Variants in MDC1 observed in about 807,000 individuals in gnomAD.
MDC1 encodes the protein mediator of DNA damage checkpoint protein 1.
Under a neutral mutation model 142.5 loss-of-function variants are expected in MDC1, and 81 were observed. That is an observed-to-expected ratio of 0.57 (90% CI 0.47 to 0.68). The LOEUF (loss-of-function observed/expected upper bound fraction) is 0.68. Among genes scored for constraint, MDC1 ranks in the 30% least tolerant of loss-of-function variants. MDC1 has a pLI of 0.00. For synonymous variants in MDC1, 797 were observed against 968.4 expected, an observed-to-expected ratio of 0.82 and a Z score of 3.29; for missense variants, 2,119 against 2,547.9, an observed-to-expected ratio of 0.83 and a Z score of 3.62.
chr6:30,699,916 G>A lies in MDC1; in HGVS notation c.*549C>T, dbSNP rs1407920856. On this transcript the variant is annotated 3_prime_UTR_variant, in exon 15 of 15. Coordinates refer to ENST00000376406, the MANE Select transcript of MDC1 (RefSeq NM_014641.3). ...GTACAGAGACTTGCCCAAAGTCAAA[G>A]CTAAAGATGCTTCCAGAGGCCAGGA... The A allele has an allele frequency of 1.3e-5, 3 of 224,392 alleles. No homozygotes were observed. Among genetic ancestry groups the A allele is most frequent in the Non-Finnish European group, 2.7e-5 (3 of 112,594 alleles). The allele number at this position is 224,392 out of a possible 1,614,324, so 13.9% of individuals were successfully genotyped here. A position where few individuals can be genotyped will look rare whatever the true frequency, so the allele number is the denominator to read the frequency against.
At position 30,704,458 on chromosome 6, in the gene MDC1, G is replaced by A; in HGVS notation, c.4725C>T (p.Ala1575=). 1 of 1,612,488 alleles carries A rather than the reference G, an allele frequency of 6.2e-7. No homozygotes were observed. Among genetic ancestry groups the A allele is most frequent in the Non-Finnish European group, 8.5e-7 (1 of 1,179,498 alleles). Residue 1575 remains alanine (A), a synonymous_variant, in exon 10 of 15, where the codon GCC becomes GCT. Coordinates refer to ENST00000376406, the MANE Select transcript of MDC1 (RefSeq NM_014641.3). Reference sequence around the variant, plus strand: ...TGGAGGTGGAAGGCTGAAGCTCAGGGGCTATAGGGACAATTGATTCAGGGG... The same window carrying A: ...TGGAGGTGGAAGGCTGAAGCTCAGGAGCTATAGGGACAATTGATTCAGGGG... The part of the protein sequence containing the change: ...VKTPESIVPI[A]PELQPSTSRN...
chr6:30,709,353 A>C lies in MDC1; in HGVS notation c.2222-996T>G, dbSNP rs1774462984. Among the ~76,000 whole-genome samples, 1 of 152,248 alleles carries C rather than the reference A, an allele frequency of 6.6e-6. No individual in the cohort carries two copies. Among genetic ancestry groups the C allele is most frequent in the Non-Finnish European group, 1.5e-5 (1 of 68,040 alleles). ...CTTTTTAAAGGCTGAATAGTATTCC[A>C]CTGTGTATATATACCACATTTTCTT... On this transcript the variant is annotated intron_variant, in intron 7 of 14. Coordinates refer to ENST00000376406, the MANE Select transcript of MDC1 (RefSeq NM_014641.3). The surrounding 1 kb of genome is among the most constrained non-coding windows in gnomAD (Gnocchi z 4.2).
chr6:30,704,901 G>T lies in MDC1; in HGVS notation c.4282C>A (p.Pro1428Thr). 1 of 1,605,552 alleles carries T rather than the reference G, an allele frequency of 6.2e-7. No individual in the cohort carries two copies. The change falls in exon 10 of 15, where the codon CCC becomes ACC. Residue 1428 changes from proline (P) to threonine (T), a missense_variant. Pro to Thr is a conservative substitution (Grantham distance 38). Coordinates refer to ENST00000376406, the MANE Select transcript of MDC1 (RefSeq NM_014641.3). ...TSTDQPVTPE[P>T]TSQATRGRTN... Reference sequence around the variant, plus strand: ...CTGCCCCTGGTGGCCTGAGATGTGGGCTCAGGAGTGACAGGTTGGTCTGTG... The same window carrying T: ...CTGCCCCTGGTGGCCTGAGATGTGGTCTCAGGAGTGACAGGTTGGTCTGTG...
chr6:30,699,940 G>A lies in MDC1; in HGVS notation c.*525C>T, dbSNP rs112804650. 1.8e-5 allele frequency: 4 copies of A among 225,468 alleles called. No individual in the cohort carries two copies. Among genetic ancestry groups the A allele is most frequent in the Non-Finnish European group, 3.5e-5 (4 of 113,336 alleles). 14.0% of individuals were successfully genotyped at this position (225,468 alleles called of 1,614,324 possible). A position where few individuals can be genotyped will look rare whatever the true frequency, so the allele number is the denominator to read the frequency against. ...AGCTAAAGATGCTTCCAGAGGCCAG[G>A]AGAGAAGAAAATGTTTTAGTAGCAC... On this transcript the variant is annotated 3_prime_UTR_variant, in exon 15 of 15. Transcript: ENST00000376406.
chr6:30,717,166 C>A (rs1002069878), intron 1 of MDC1, 79 bp downstream of exon 1: 10 of 152,374 alleles, frequency 6.6e-5, no homozygotes, highest in African/African-American at 2.4e-4. Flanking sequence ...CCCAGTCGCA[C>A]CCAAGGTACG....
At chr6:30,706,916 GAT>G (rs1011565234) in intron 9 of MDC1, among the ~76,000 whole-genome samples, 1 of 152,022 alleles carries the variant, frequency 6.6e-6, no homozygotes, top group Non-Finnish European at 1.5e-5. Context: ...AGTAAGCTGA[GAT>G]CACGCCACTG....
intron 14 of MDC1, among the ~76,000 whole-genome samples, chr6:30,701,397 CAAA>C (rs1554185762): frequency 2.2e-5 from 3 of 139,124 alleles, no homozygotes; most frequent in Admixed American, 7.2e-5. Context: ...GAGACTCTCT[CAAA>C]AAAAAAAAAT....
chr6:30,714,233 C>G (rs185139090), intron 2 of MDC1, 50 bp from the exon 3 acceptor site: 9 of 1,540,036 alleles, frequency 5.8e-6, no homozygotes, highest in Non-Finnish European at 7.8e-6. Context: ...CCTGGCCTGT[C>G]ATTAGGAAAA....
In MDC1 at chr6:30,702,560, G is replaced by A; in HGVS notation, c.6095C>T (p.Ser2032Phe). ...AGAACATCCTAAGCATACCTTATAGGACCGAGGCATGCTGGGTAGGTATGT... is the reference window on the plus strand; with the variant it reads ...AGAACATCCTAAGCATACCTTATAGAACCGAGGCATGCTGGGTAGGTATGT... ...GGTYLPSMPR[S>F]YKPQRVVITC... Residue 2032 changes from serine (S) to phenylalanine (F), a missense_variant, in exon 14 of 15, where the codon TCC becomes TTC. Transcript: ENST00000376406. 2 of 1,586,056 alleles carry A rather than the reference G, an allele frequency of 1.3e-6. No individual in the cohort carries two copies. The highest frequency in any genetic ancestry group is 1.7e-6 in the Non-Finnish European group (2 of 1,168,074).
In MDC1 at chr6:30,712,369, C is replaced by A. The variant is rs1239424430; in HGVS notation, c.1573G>T (p.Val525Leu). ...ASTTVDINTQ[V>L]EKEVPPGSAI... ...GACCCTGGCGGGACTTCCTTCTCCA[C>A]TTGTGTGTTGATGTCCACTGTGGTG... is the stretch of plus-strand genomic sequence containing the variant. Residue 525 changes from valine (V) to leucine (L), a missense_variant, in exon 5 of 15, where the codon GTG (valine) becomes TTG (leucine). Physicochemically the swap from Val to Leu is conservative, Grantham distance 32. Transcript: ENST00000376406. This position sits in a 1 kb window ranked among gnomAD's most constrained non-coding sequence, Gnocchi z 4.7. 1 of 1,613,116 alleles carries A rather than the reference C, an allele frequency of 6.2e-7. No homozygotes were observed.
In MDC1 at chr6:30,715,047, T is replaced by C; in HGVS notation, c.129A>G (p.Pro43=). 2 of 1,614,210 alleles carry C rather than the reference T, an allele frequency of 1.2e-6. No homozygotes were observed. The highest frequency in any genetic ancestry group is 1.3e-5 in the African/African-American group (1 of 75,058). The change falls in exon 2 of 15, where the codon CCA becomes CCG. Residue 43 remains proline, a synonymous_variant. Coordinates refer to ENST00000376406, the MANE Select transcript of MDC1 (RefSeq NM_014641.3). The surrounding 1 kb of genome is among the most constrained non-coding windows in gnomAD (Gnocchi z 4.1). ...CATCCAATACCCTCTGACCTTTTTC[T>C]GGTCCATGGGCACCACTAAAGATAT... ...RLHIFSGAHG[P]EKDFPLHLGK...
chr6:30,703,873 A>G lies in MDC1; in HGVS notation c.5310T>C (p.Ile1770=), dbSNP rs28994872. The stretch of plus-strand genomic sequence containing the variant: ...GAAGCTGGGGAGAGGCAGGCTCAGG[A>G]ATGGCTGTAAGGGATTCAGCTGCTC... ...AVRAAESLTA[I]PEPASPQLLE... is the part of the protein sequence containing the mutation. The change falls in exon 10 of 15, where the codon ATT becomes ATC. Residue 1770 remains isoleucine, a synonymous_variant. Coordinates refer to ENST00000376406, the MANE Select transcript of MDC1 (RefSeq NM_014641.3). The surrounding 1 kb of genome is among the most constrained non-coding windows in gnomAD (Gnocchi z 4.4). 0.013 allele frequency: 20,903 copies of G among 1,613,956 alleles called. 189 individuals carry two copies. Among genetic ancestry groups the G allele is most frequent in the Admixed American group, 0.022 (1,299 of 59,980 alleles).
intron 9 of MDC1, among the ~76,000 whole-genome samples, chr6:30,706,863 G>A (rs1041507273): frequency 6.6e-6 from 1 of 151,830 alleles, no homozygotes; most frequent in Non-Finnish European, 1.5e-5. Context: ...TACTTGGGAG[G>A]CTGCGGCAGG....
rs544677078 is a variant in MDC1, at chr6:30,716,494, G to A, written c.-4+751C>T. Reference sequence around the variant, plus strand: ...CCCAAAGTGTTGGGATTACAGCAGTGAGCAACCGCGCCCGGCCTCAAATGT... The same window carrying A: ...CCCAAAGTGTTGGGATTACAGCAGTAAGCAACCGCGCCCGGCCTCAAATGT... On this transcript the variant is annotated intron_variant, in intron 1 of 14. Transcript: ENST00000376406. The surrounding 1 kb of genome is among the most constrained non-coding windows in gnomAD (Gnocchi z 4.4). Among the ~76,000 whole-genome samples, 2 of 152,312 alleles carry A rather than the reference G, an allele frequency of 1.3e-5. No individual in the cohort carries two copies. Among genetic ancestry groups the A allele is most frequent in the African/African-American group, 4.8e-5 (2 of 41,556 alleles).
chr6:30,712,090 C>G lies in MDC1; in HGVS notation c.1852G>C (p.Glu618Gln). 1 of 1,598,574 alleles carries G rather than the reference C, an allele frequency of 6.3e-7. No homozygotes were observed. The highest frequency in any genetic ancestry group is 2.2e-5 in the East Asian group (1 of 44,806). The change falls in exon 5 of 15, where the codon GAG becomes CAG. Residue 618 changes from glutamate to glutamine, a missense_variant. Coordinates refer to ENST00000376406, the MANE Select transcript of MDC1 (RefSeq NM_014641.3). The surrounding 1 kb of genome is among the most constrained non-coding windows in gnomAD (Gnocchi z 4.7). ...TGGGCCCCCACCTCATGAGCTCTCT[C>G]CTGCTTAAGAACAGCTGCAGCCCAC... ...AEWAAAVLKQERAHEVGAQGG... is the reference protein window; with the variant it reads ...AEWAAAVLKQQRAHEVGAQGG...
chr6:30,704,702 G>A lies in MDC1; in HGVS notation c.4481C>T (p.Pro1494Leu), dbSNP rs145237068. ...KTPETVVPTA[P>L]ELQASASTDQ... is the part of the protein sequence containing the mutation. ...TGTGGAGGCGGAAGCCTGTAGCTCA[G>A]GGGCTGTGGGGACAACTGTTTCAGG... Residue 1494 changes from proline to leucine, a missense_variant, in exon 10 of 15, where the codon CCT (proline) becomes CTT (leucine). Coordinates refer to ENST00000376406, the MANE Select transcript of MDC1 (RefSeq NM_014641.3). 3.6e-4 allele frequency: 583 copies of A among 1,612,540 alleles called. No homozygotes were observed. Among genetic ancestry groups the A allele is most frequent in the Non-Finnish European group, 4.7e-4 (556 of 1,179,364 alleles).
At position 30,700,595 on chromosome 6, in the gene MDC1, G is replaced by A. The variant is rs1772455121; in HGVS notation, c.6140C>T (p.Pro2047Leu). The A allele has an allele frequency of 1.9e-6, 3 of 1,612,980 alleles. No homozygotes were observed. The highest frequency in any genetic ancestry group is 1.6e-4 in the Middle Eastern group (1 of 6,062). The change falls in exon 15 of 15, where the codon CCT (proline) becomes CTT (leucine). Residue 2047 changes from proline (P) to leucine (L), a missense_variant. Coordinates refer to ENST00000376406, the MANE Select transcript of MDC1 (RefSeq NM_014641.3). The part of the protein sequence containing the change: ...RVVITCPQDF[P>L]HCSIPLRVGL... Reference sequence around the variant, plus strand: ...AACCCGTAGTGGAATGGAGCAATGAGGGAAGTCCTGAGGGCATGTGATCAC... The same window carrying A: ...AACCCGTAGTGGAATGGAGCAATGAAGGAAGTCCTGAGGGCATGTGATCAC...
At chr6:30,700,735 A>C (rs1581512522) in intron 14 of MDC1, 103 bp from the exon 15 acceptor site, 2 of 1,198,548 alleles carry the variant, frequency 1.7e-6, no homozygotes, top group East Asian at 2.4e-5. Context: ...ATACCTCCTA[A>C]TATGAAGCCA....
chr6:30,708,445 T>A, intron 7 of MDC1, 88 bp from the exon 8 acceptor site: 1 of 961,544 alleles, frequency 1.0e-6, no homozygotes, highest in African/African-American at 1.6e-5. Context: ...GTTGACATAA[T>A]AAATATGATG....
Sources: gnomAD v4.1 joint callset for allele counts (sites outside exome capture counted in the v4.1 genomes callset) on GRCh38, gnomAD v4.1.1 for gene constraint, Gnocchi (gnomAD v3.1) non-coding constraint, MANE v1.5 for transcripts, NCBI Gene and HGNC (gene_info 2026-07-23, HGNC 2026-07-21) for gene names.